The following AARSD1 variants were observed in gnomAD, a reference collection of about 807,000 sequenced individuals.
AARSD1 encodes the protein alanyl-tRNA synthetase domain containing 1.
Under a neutral mutation model 48.7 loss-of-function variants are expected in AARSD1, and 44 were observed. The observed-to-expected ratio is 0.90, with a 90% CI of 0.71 to 1.16. The LOEUF is 1.16. AARSD1 is among the 50% of genes most tolerant of loss of function. AARSD1 has a pLI of 0.00. For synonymous variants in AARSD1, 189 were observed against 194.9 expected (o/e 0.97, Z 0.25); for missense variants, 511 against 523.1 (o/e 0.98, Z 0.23).
In AARSD1 at chr17:42,955,247, G is replaced by C. The variant is rs750463685; in HGVS notation, c.795-23C>G. 7.4e-6 allele frequency: 12 copies of C among 1,612,886 alleles called. No individual in the cohort carries two copies. The South Asian group carries it at 1.3e-4, about 18-fold the overall frequency. The stretch of plus-strand genomic sequence containing the variant: ...CACCTGAAAGAGAAAGGTCAGAGGA[G>C]ACCTGCGCAGCTTCCCAGTCGTTTC... On this transcript the variant is annotated intron_variant, in intron 7 of 11. Transcript: ENST00000427569.
Position 42,955,963 on chromosome 17 carries a change from T to A in AARSD1, c.673A>T (p.Ile225Phe), listed in dbSNP as rs1345941997. The A allele has an allele frequency of 1.5e-5, 24 of 1,613,908 alleles. No individual in the cohort carries two copies. In the Admixed American group the frequency reaches 4.0e-4, roughly 27 times the overall value. The part of the protein sequence containing the change: ...SNLSDLQVIK[I>F]LGTEKGKKNR... The stretch of plus-strand genomic sequence containing the variant: ...TTTTTCCCCTTCTCAGTGCCCAGAA[T>A]CTTAATGACCTACATGAGGCAAGGG... Residue 225 changes from isoleucine to phenylalanine, a missense_variant, in exon 7 of 12, where the codon ATT becomes TTT. Physicochemically the swap from Ile to Phe is conservative, Grantham distance 21 (BLOSUM62 0). Transcript: ENST00000427569.
At chr17:42,955,404 G>T in intron 7 of AARSD1, 180 bp from the exon 8 acceptor site, 4 of 657,348 alleles carry the variant, frequency 6.1e-6, no homozygotes, top group Middle Eastern at 4.4e-4. Flanking sequence ...ACCACTTTTC[G>T]TGGTTCTGAT....
intron 10 of AARSD1, 197 bp from the exon 11 acceptor site, chr17:42,952,091 C>A: frequency 1.7e-6 from 1 of 582,290 alleles, no homozygotes; most frequent in Non-Finnish European, 3.0e-6. Flanking sequence ...ACTATGGGAA[C>A]TTAGGTGAAA....
At chr17:42,955,531 C>CG in intron 7 of AARSD1, 1 of 446,352 alleles carries the variant, frequency 2.2e-6, no homozygotes, top group Admixed American at 3.6e-5. Flanking sequence ...CTCCACCTCC[C>CG]GGGTTCACGC....
At chr17:42,951,710 G>A (rs369539096) in intron 11 of AARSD1, 90 bp downstream of exon 11, 15 of 1,368,906 alleles carry the variant, frequency 1.1e-5, no homozygotes, top group Admixed American at 3.8e-5. Context: ...AAATGAGATC[G>A]CAGATGTGAT....
At chr17:42,963,440 G>A (rs980389166) in intron 2 of AARSD1, among the ~76,000 whole-genome samples, 1 of 151,478 alleles carries the variant, frequency 6.6e-6, no homozygotes, top group Non-Finnish European at 1.5e-5. Context: ...AGAAAAGAAA[G>A]AAAAGCCTTT....
chr17:42,964,075 G>A, intron 2 of AARSD1, 31 bp downstream of exon 2: 2 of 1,613,418 alleles, frequency 1.2e-6, no homozygotes, highest in African/African-American at 1.3e-5. Context: ...AAAGAAACTG[G>A]GGGCTTCCTG....
intron 1 of AARSD1, 39 bp from the exon 2 acceptor site, chr17:42,964,276 GC>G (rs2049681759): frequency 5.3e-4 from 1 of 1,902 alleles, no homozygotes; most frequent in Non-Finnish European, 5.8e-4. Flanking sequence ...CCCGACCCCA[GC>G]CCTAGCCCTA....
intron 2 of AARSD1, among the ~76,000 whole-genome samples, chr17:42,962,694 C>T: frequency 6.6e-6 from 1 of 152,152 alleles, no homozygotes; most frequent in East Asian, 1.9e-4. Context: ...TCTCTCAATA[C>T]CAAGTCTACT....
Position 42,955,837 on chromosome 17 carries a change from C to A in AARSD1, c.794+5G>T, listed in dbSNP as rs766512067. On this transcript the variant is annotated splice_donor_5th_base_variant and intron_variant, in intron 7 of 11. Coordinates refer to ENST00000427569, the MANE Select transcript of AARSD1 (RefSeq NM_001261434.2). Reference sequence around the variant, plus strand: ...AGGTAATCGAAGGTACTGAAACAGGCATACTTAAGCAGAGCAGTCAGTGCT... The same window carrying A: ...AGGTAATCGAAGGTACTGAAACAGGAATACTTAAGCAGAGCAGTCAGTGCT... 1 of 1,614,060 alleles carries A rather than the reference C, an allele frequency of 6.2e-7. No individual in the cohort carries two copies. Among genetic ancestry groups the A allele is most frequent in the Non-Finnish European group, 8.5e-7 (1 of 1,180,008 alleles).
rs1386614225 is a variant in AARSD1 at position 42,955,219 on chromosome 17, C to A, written c.800G>T (p.Gly267Val). 6.2e-7 allele frequency: 1 copy of A among 1,613,922 alleles called. No individual in the cohort carries two copies. Among genetic ancestry groups the A allele is most frequent in the Admixed American group, 1.7e-5 (1 of 59,976 alleles). Residue 267 changes from glycine to valine, a missense_variant, in exon 8 of 12, where the codon GGA (glycine) becomes GTA (valine). Transcript: ENST00000427569. ...EKALTALLKC[G>V]AEDHVEAVKK... ...CACTGCTTCCACATGATCCTCTGCT[C>A]CACACCTGAAAGAGAAAGGTCAGAG...
At chr17:42,961,377 A>C (rs1236753321) in intron 2 of AARSD1, 26 bp from the exon 3 acceptor site, 4 of 1,613,582 alleles carry the variant, frequency 2.5e-6, no homozygotes, top group Non-Finnish European at 3.4e-6. Flanking sequence ...AAACGTAATC[A>C]ATGGCAAGGC....
rs1164714508 is a variant in AARSD1 at position 42,953,728 on chromosome 17, G to C, written c.1004C>G (p.Ser335Ter). 6.8e-6 allele frequency: 11 copies of C among 1,613,958 alleles called. No individual in the cohort carries two copies. Among genetic ancestry groups the C allele is most frequent in the Non-Finnish European group, 9.3e-6 (11 of 1,180,008 alleles). The stretch of plus-strand genomic sequence containing the variant: ...AGAATCTCATGCTCCTCTTACCTCT[G>C]ACCCAATCTCATTGGCAATGATATT... ...FMNIIANEIG[S>*]EETLLFLTVG... The change falls in exon 10 of 12, where the codon TCA becomes TGA. Residue 335 changes from serine to a stop codon, truncating the protein, a stop_gained. Coordinates refer to ENST00000427569, the MANE Select transcript of AARSD1 (RefSeq NM_001261434.2). LOFTEE classifies it high-confidence loss of function.
intron 3 of AARSD1, among the ~76,000 whole-genome samples, chr17:42,957,847 C>T (rs961673912): frequency 1.3e-5 from 2 of 151,792 alleles, no homozygotes; most frequent in African/African-American, 4.8e-5. Context: ...AGGCACAGGG[C>T]TTGACATAAG....
Position 42,963,105 on chromosome 17 carries a change from G to A in AARSD1, c.171+1001C>T, listed in dbSNP as rs558258817. Among the ~76,000 whole-genome samples the A allele has an allele frequency of 5.3e-5, 8 of 151,224 alleles. No homozygotes were observed. The East Asian group carries it at 6.0e-4, about 11-fold the overall frequency. On this transcript the variant is annotated intron_variant, in intron 2 of 11. Transcript: ENST00000427569. The stretch of plus-strand genomic sequence containing the variant: ...ACACCTTTTTTTTTTCTTTTGAGAC[G>A]GAGTCTTGTTCTGTCCCCCACGCTG...
intron 10 of AARSD1, 24 bp from the exon 11 acceptor site, chr17:42,951,918 A>T (rs1369795698): frequency 2.5e-6 from 4 of 1,611,974 alleles, no homozygotes; most frequent in Non-Finnish European, 3.4e-6. Flanking sequence ...CAAGGAGATA[A>T]GCTCTGATAC....
At chr17:42,957,394 A>T in intron 3 of AARSD1, 199 bp from the exon 4 acceptor site, 1 of 509,146 alleles carries the variant, frequency 2.0e-6, no homozygotes, top group Middle Eastern at 5.4e-4. Flanking sequence ...CATTTCACAG[A>T]TGAGGAAACT....
In AARSD1 at chr17:42,955,158, C is replaced by T; in HGVS notation, c.861G>A (p.Lys287=). 6.2e-7 allele frequency: 1 copy of T among 1,614,170 alleles called. No homozygotes were observed. Among genetic ancestry groups the T allele is most frequent in the South Asian group, 1.1e-5 (1 of 91,068 alleles). Residue 287 remains lysine, a splice_region_variant and synonymous_variant, in exon 8 of 12, where the codon AAG becomes AAA. Transcript: ENST00000427569. ...CTCTACCCTCCATGGAATAAATCAC[C>T]TTCTGCAGGATCTTGGTGGAGTTCT... ...KLQNSTKILQ[K]NNLNLLRDLA...
chr17:42,956,814 C>T (rs1162843099), intron 4 of AARSD1, among the ~76,000 whole-genome samples: 3 of 148,318 alleles, frequency 2.0e-5, no homozygotes, highest in Non-Finnish European at 4.5e-5. Context: ...ACTACAGGCG[C>T]CCGCCACCAC....
Sources: allele counts gnomAD v4.1 joint callset (sites outside exome capture counted in the v4.1 genomes callset), GRCh38; gene constraint gnomAD v4.1.1; transcripts MANE v1.5; gene names NCBI Gene and HGNC (gene_info 2026-07-23, HGNC 2026-07-21).